ADARB2: variants seen among roughly 807,000 people sequenced by gnomAD.
ADARB2 encodes adenosine deaminase RNA specific B2 (inactive), also known as inactive double-stranded RNA-specific editase B2.
Under a neutral mutation model 62.2 loss-of-function variants are expected in ADARB2, and 25 were observed. The ratio of observed to expected loss-of-function variants is 0.40; its 90% CI spans 0.29 to 0.56. The LOEUF (loss-of-function observed/expected upper bound fraction) is 0.56, where lower values mean the gene tolerates loss of function less well. Among genes scored for constraint, ADARB2 ranks in the 20% least tolerant of loss-of-function variants. The pLI is 0.43. For missense variants in ADARB2, 1,071 were observed against 1,077.4 expected (o/e 0.99, Z 0.08); for synonymous variants, 572 against 500.8 (o/e 1.14, Z -1.90).
intron 1 of ADARB2, among the ~76,000 whole-genome samples, chr10:1,406,716 G>C (rs1832710435): frequency 6.6e-6 from 1 of 152,220 alleles, no homozygotes; most frequent in Non-Finnish European, 1.5e-5. Flanking sequence ...GTGAAGGTGA[G>C]TGCCAGGGTG....
At chr10:1,669,717 T>A (rs1201513964) in intron 1 of ADARB2, among the ~76,000 whole-genome samples, 1 of 141,814 alleles carries the variant, frequency 7.1e-6, no homozygotes, top group Non-Finnish European at 1.5e-5. Context: ...GAGACACACC[T>A]AGACACACAC....
rs1831072898 is a variant in ADARB2 at position 1,255,594 on chromosome 10, G to A, written c.1193-13295C>T. 6.6e-6 allele frequency among the ~76,000 whole-genome samples: 1 copy of A among 152,234 alleles called. No homozygotes were observed. The highest frequency in any genetic ancestry group is 1.5e-5 in the Non-Finnish European group (1 of 68,036). ...TGTGACCAGATGTCAGCTGGTCAACGCTCTTTGCTGTTCCCCATCAGGGAA... is the reference window on the plus strand; with the variant it reads ...TGTGACCAGATGTCAGCTGGTCAACACTCTTTGCTGTTCCCCATCAGGGAA... On this transcript the variant is annotated intron_variant, in intron 4 of 9. Transcript: ENST00000381312. The surrounding 1 kb of genome is among the most constrained non-coding windows in gnomAD (Gnocchi z 4.7).
intron 1 of ADARB2, among the ~76,000 whole-genome samples, chr10:1,471,284 C>T (rs890042771): frequency 3.0e-4 from 46 of 152,200 alleles, no homozygotes; most frequent in South Asian, 8.3e-4. Context: ...CTCCACAGAG[C>T]AAGTAGAACT....
chr10:1,698,010 T>A (rs2119136443), intron 1 of ADARB2, among the ~76,000 whole-genome samples: 1 of 152,312 alleles, frequency 6.6e-6, no homozygotes, highest in South Asian at 2.1e-4. Context: ...GACTTTCACC[T>A]GTCAGAAAAA....
chr10:1,502,369 T>C (rs756150814), intron 1 of ADARB2, among the ~76,000 whole-genome samples: 2 of 152,210 alleles, frequency 1.3e-5, no homozygotes, highest in Non-Finnish European at 2.9e-5. Context: ...TGGAGAGGTA[T>C]ATGACCGTGT....
In ADARB2 at chr10:1,445,843, C is replaced by T. The variant is rs117151431; in HGVS notation, c.101-66683G>A. On this transcript the variant is annotated intron_variant, in intron 1 of 9. Transcript: ENST00000381312. ...GGAGGTTTGTTAAGAGTGAGACATACGGTTGATGATTTGGATAAGATAGTT... is the reference window on the plus strand; with the variant it reads ...GGAGGTTTGTTAAGAGTGAGACATATGGTTGATGATTTGGATAAGATAGTT... Among the ~76,000 whole-genome samples the T allele has an allele frequency of 2.4e-3, 363 of 152,190 alleles. 1 individual carries two copies. The highest frequency in any genetic ancestry group is 7.5e-3 in the East Asian group (39 of 5,180).
At chr10:1,467,476 A>G (rs1236686799) in intron 1 of ADARB2, among the ~76,000 whole-genome samples, 3 of 152,102 alleles carry the variant, frequency 2.0e-5, no homozygotes, top group African/African-American at 7.2e-5. Context: ...AGCATCTCCA[A>G]CCGCGTTATT....
chr10:1,531,443 G>T (rs530717569), intron 1 of ADARB2, among the ~76,000 whole-genome samples: 23 of 152,244 alleles, frequency 1.5e-4, no homozygotes, highest in African/African-American at 5.1e-4. Context: ...CCCCCAAATG[G>T]ATACCAATCT....
At chr10:1,260,198 CTGAA>C (rs1425590040) in intron 4 of ADARB2, among the ~76,000 whole-genome samples, 2 of 152,134 alleles carry the variant, frequency 1.3e-5, no homozygotes, top group Non-Finnish European at 2.9e-5. Context: ...CAATATCATA[CTGAA>C]TGGACAAAAA....
chr10:1,695,853 C>T (rs528253764), intron 1 of ADARB2, among the ~76,000 whole-genome samples: 2 of 151,262 alleles, frequency 1.3e-5, no homozygotes, highest in South Asian at 4.2e-4. Context: ...TACATGTGTG[C>T]ATCCATGTAC....
At chr10:1,492,474 T>A (rs1194735509) in intron 1 of ADARB2, among the ~76,000 whole-genome samples, 1 of 152,096 alleles carries the variant, frequency 6.6e-6, no homozygotes, top group Non-Finnish European at 1.5e-5. Flanking sequence ...GCAGGAAGGA[T>A]CATCCCCTGC....
chr10:1,593,039 C>T (rs1370845148), intron 1 of ADARB2, among the ~76,000 whole-genome samples: 9 of 81,826 alleles, frequency 1.1e-4, no homozygotes, highest in African/African-American at 2.8e-4. Context: ...CTCCATAGGT[C>T]TCCTCTCTGG....
At chr10:1,359,403 C>T (rs1358039802) in intron 3 of ADARB2, among the ~76,000 whole-genome samples, 1 of 152,214 alleles carries the variant, frequency 6.6e-6, no homozygotes, top group African/African-American at 2.4e-5. Context: ...TTAGATGAGT[C>T]TGATCCTGAG....
chr10:1,330,065 T>C (rs1831914722), intron 3 of ADARB2, among the ~76,000 whole-genome samples: 1 of 151,958 alleles, frequency 6.6e-6, no homozygotes. Context: ...GATATTTCTA[T>C]GACAGTAGGG....
chr10:1,198,594 T>A (rs1346652460), intron 8 of ADARB2, among the ~76,000 whole-genome samples: 1 of 152,180 alleles, frequency 6.6e-6, no homozygotes, highest in Non-Finnish European at 1.5e-5. Context: ...GAGGCTGAAA[T>A]ATTTAGTCAG....
chr10:1,450,601 T>C (rs186222621), intron 1 of ADARB2, among the ~76,000 whole-genome samples: 3 of 152,354 alleles, frequency 2.0e-5, no homozygotes, highest in Non-Finnish European at 4.4e-5. Flanking sequence ...CAGGGGAAAC[T>C]GATCACAAAG....
At chr10:1,206,328 T>A (rs1007510139) in intron 7 of ADARB2, among the ~76,000 whole-genome samples, 1 of 152,120 alleles carries the variant, frequency 6.6e-6, no homozygotes, top group Admixed American at 6.5e-5. Flanking sequence ...TTCTGGGACA[T>A]GCGGCGTCTC....
intron 1 of ADARB2, among the ~76,000 whole-genome samples, chr10:1,649,239 A>G (rs377138501): frequency 3.9e-5 from 6 of 152,328 alleles, no homozygotes; most frequent in African/African-American, 1.4e-4. Context: ...CAGCCTTTGA[A>G]ATGTCCTTAG....
In ADARB2 at chr10:1,263,146, G is replaced by T. The variant is rs529253121; in HGVS notation, c.1192+7809C>A. 1.7e-4 allele frequency among the ~76,000 whole-genome samples: 20 copies of T among 119,718 alleles called. No individual in the cohort carries two copies. In the Admixed American group the frequency reaches 1.7e-3, roughly 10 times the overall value. The allele number at this position is 119,718 out of a possible 152,430, so 78.5% of individuals were successfully genotyped here. On this transcript the variant is annotated intron_variant, in intron 4 of 9. Coordinates refer to ENST00000381312, the MANE Select transcript of ADARB2 (RefSeq NM_018702.4). ...GGGCCTGTTGTGGGGTGGGGGGAGGGGGGAGGGATAGCATTAGGAGATATA... is the reference window on the plus strand; with the variant it reads ...GGGCCTGTTGTGGGGTGGGGGGAGGTGGGAGGGATAGCATTAGGAGATATA...
Sources: gnomAD v4.1 joint callset for allele counts (sites outside exome capture counted in the v4.1 genomes callset) on GRCh38, gnomAD v4.1.1 for gene constraint, Gnocchi (gnomAD v3.1) non-coding constraint, MANE v1.5 for transcripts, NCBI Gene and HGNC (gene_info 2026-07-23, HGNC 2026-07-21) for gene names.